Variants in CLSTN2 observed in about 807,000 individuals in gnomAD.
CLSTN2 encodes the protein calsyntenin 2.
In CLSTN2, 48 loss-of-function variants were observed where a neutral mutation model predicts 101.2. The observed-to-expected ratio is 0.47, with a 90% confidence interval of 0.38 to 0.60. The LOEUF (loss-of-function observed/expected upper bound fraction) is 0.60, where lower values mean the gene tolerates loss of function less well. CLSTN2 is among the 20% of genes least tolerant of loss of function. The pLI is 0.00. For synonymous variants in CLSTN2, 481 were observed against 463.6 expected (o/e 1.04, Z -0.48); for missense variants, 1,160 against 1,238.2 (o/e 0.94, Z 0.95).
chr3:140,088,917 A>C lies in CLSTN2; in HGVS notation c.110-87034A>C, dbSNP rs1276440016. 2.0e-5 allele frequency among the ~76,000 whole-genome samples: 3 copies of C among 152,366 alleles called. No homozygotes were observed. The East Asian group carries it at 5.8e-4, about 29-fold the overall frequency. ...CAACTTATTTCACTGGATAAAGTAAATAAATATTTTACATTTGCTAAAACT... is the reference window on the plus strand; with the variant it reads ...CAACTTATTTCACTGGATAAAGTAACTAAATATTTTACATTTGCTAAAACT... On this transcript the variant is annotated intron_variant, in intron 1 of 16. Transcript: ENST00000458420.
At chr3:140,026,700 T>C (rs1335360120) in intron 1 of CLSTN2, among the ~76,000 whole-genome samples, 1 of 152,190 alleles carries the variant, frequency 6.6e-6, no homozygotes, top group Non-Finnish European at 1.5e-5. Flanking sequence ...CTTCTCTGTC[T>C]TTTCATGGTC....
rs574581687 is a variant in CLSTN2 at position 140,527,894 on chromosome 3, A to ATGAT, written c.1345-4429_1345-4426dup. Among the ~76,000 whole-genome samples the ATGAT allele has an allele frequency of 6.8e-3, 1,035 of 152,270 alleles. 10 individuals are homozygous for ATGAT. The highest frequency in any genetic ancestry group is 0.024 in the African/African-American group (980 of 41,558). On this transcript the variant is annotated intron_variant, in intron 8 of 16. Transcript: ENST00000458420. Reference sequence around the variant, plus strand: ...GATACCCATAGACATAAATATAGGAATGATAGACACTGGGACTAATAGATG... The same window carrying ATGAT: ...GATACCCATAGACATAAATATAGGAATGATTGATAGACACTGGGACTAATAGATG...
At chr3:140,076,119 T>C (rs185886595) in intron 1 of CLSTN2, among the ~76,000 whole-genome samples, 1 of 152,330 alleles carries the variant, frequency 6.6e-6, no homozygotes, top group African/African-American at 2.4e-5. Context: ...CTGTATGTGT[T>C]TGACTATTTA....
At chr3:140,401,956 G>T (rs935706230) in intron 2 of CLSTN2, among the ~76,000 whole-genome samples, 1 of 152,114 alleles carries the variant, frequency 6.6e-6, no homozygotes, top group Non-Finnish European at 1.5e-5. Context: ...CTTCTTACTG[G>T]AACTGGGTCC....
chr3:139,963,395 T>A (rs1935543271), intron 1 of CLSTN2, among the ~76,000 whole-genome samples: 1 of 152,168 alleles, frequency 6.6e-6, no homozygotes, highest in Non-Finnish European at 1.5e-5. Context: ...CCAATCACAT[T>A]ACCTCCTTTT....
intron 2 of CLSTN2, among the ~76,000 whole-genome samples, chr3:140,366,852 T>C (rs566409373): frequency 6.6e-6 from 1 of 152,342 alleles, no homozygotes; most frequent in African/African-American, 2.4e-5. Context: ...CTAGGAAATG[T>C]TGAAGAGCCG....
intron 2 of CLSTN2, among the ~76,000 whole-genome samples, chr3:140,381,922 A>G (rs931343477): frequency 6.6e-6 from 1 of 152,200 alleles, no homozygotes; most frequent in Non-Finnish European, 1.5e-5. Context: ...CAAGCATTGA[A>G]TTGAATAACA....
intron 1 of CLSTN2, among the ~76,000 whole-genome samples, chr3:140,130,176 G>T (rs748580327): frequency 5.9e-5 from 9 of 152,162 alleles, no homozygotes; most frequent in Non-Finnish European, 8.8e-5. Flanking sequence ...TAGAGATCCG[G>T]TGAGGCTCTA....
At chr3:140,272,073 T>C (rs1308363986) in intron 2 of CLSTN2, among the ~76,000 whole-genome samples, 1 of 152,176 alleles carries the variant, frequency 6.6e-6, no homozygotes, top group Non-Finnish European at 1.5e-5. Context: ...ATTCTGGAAT[T>C]GGTGTGTGTG....
Position 140,403,716 on chromosome 3 carries a change from G to C in CLSTN2, c.320G>C (p.Arg107Pro). The change falls in exon 3 of 17, where the codon CGT (arginine) becomes CCT (proline). Residue 107 changes from arginine (R) to proline (P), a missense_variant. Physicochemically the swap from Arg to Pro is moderately radical, Grantham distance 103 (BLOSUM62 -2). Transcript: ENST00000458420. ...LNKTSGEGRL[R>P]AKSPIDCELQ... ...AAGACATCAGGAGAGGGCCGGCTCC[G>C]TGCCAAGAGCCCCATTGACTGTGAG... 1 of 1,614,134 alleles carries C rather than the reference G, an allele frequency of 6.2e-7. No individual in the cohort carries two copies. The highest frequency in any genetic ancestry group is 1.3e-5 in the African/African-American group (1 of 75,028).
chr3:140,564,593 G>A (rs1441964740), intron 16 of CLSTN2, among the ~76,000 whole-genome samples: 4 of 152,156 alleles, frequency 2.6e-5, no homozygotes, highest in Non-Finnish European at 5.9e-5. Context: ...GAAAAATATA[G>A]CAGCAACGCC....
intron 8 of CLSTN2, among the ~76,000 whole-genome samples, chr3:140,497,668 G>A (rs1934496572): frequency 6.6e-6 from 1 of 152,184 alleles, no homozygotes; most frequent in Non-Finnish European, 1.5e-5. Context: ...GATTCAGCGT[G>A]CTTTCTAGGG....
intron 1 of CLSTN2, among the ~76,000 whole-genome samples, chr3:139,950,334 A>C (rs537530901): frequency 6.6e-6 from 1 of 152,306 alleles, no homozygotes; most frequent in African/African-American, 2.4e-5. Context: ...GTCCCCAGGC[A>C]CATGGATGAG....
chr3:140,447,145 TTTC>T (rs1933101339), intron 5 of CLSTN2, among the ~76,000 whole-genome samples: 1 of 152,230 alleles, frequency 6.6e-6, no homozygotes, highest in Non-Finnish European at 1.5e-5. Flanking sequence ...ACTTTCTGAG[TTTC>T]TCATGGGTGA....
At chr3:140,125,827 C>T (rs998249756) in intron 1 of CLSTN2, among the ~76,000 whole-genome samples, 1 of 151,970 alleles carries the variant, frequency 6.6e-6, no homozygotes, top group African/African-American at 2.4e-5. Flanking sequence ...GGAGAAAGAG[C>T]ACAATCCAAG....
At chr3:140,493,173 C>T (rs774680782) in intron 8 of CLSTN2, among the ~76,000 whole-genome samples, 14 of 152,164 alleles carry the variant, frequency 9.2e-5, no homozygotes, top group Non-Finnish European at 1.6e-4. Flanking sequence ...CTGGGTTTAC[C>T]TTTTTGGCCT....
chr3:140,249,427 G>A (rs2086543172), intron 2 of CLSTN2, among the ~76,000 whole-genome samples: 1 of 152,158 alleles, frequency 6.6e-6, no homozygotes, highest in Non-Finnish European at 1.5e-5. Flanking sequence ...TTTGGGGGCT[G>A]GAGCTCTCAG....
At chr3:140,173,353 G>A (rs868857196) in intron 1 of CLSTN2, among the ~76,000 whole-genome samples, 14 of 152,290 alleles carry the variant, frequency 9.2e-5, no homozygotes, top group African/African-American at 1.4e-4. Flanking sequence ...CCATGGTCTC[G>A]GGAAGCTCCA....
intron 10 of CLSTN2, among the ~76,000 whole-genome samples, chr3:140,552,463 A>G (rs1026543270): frequency 1.7e-4 from 26 of 151,822 alleles, no homozygotes; most frequent in Non-Finnish European, 2.9e-5. Context: ...ACCCTGCAAG[A>G]ACTATGCTGA....
Sources: allele counts gnomAD v4.1 joint callset (sites outside exome capture counted in the v4.1 genomes callset), GRCh38; gene constraint gnomAD v4.1.1; transcripts MANE v1.5; gene names NCBI Gene and HGNC (gene_info 2026-07-23, HGNC 2026-07-21).